The following ADAMTSL1 variants were observed in gnomAD, a reference collection of about 807,000 sequenced individuals.
ADAMTSL1 encodes ADAMTS-like protein 1.
In ADAMTSL1, 126 loss-of-function variants were observed where a neutral mutation model predicts 201.8. That is an observed-to-expected ratio of 0.62 (90% CI 0.54 to 0.72). The LOEUF (loss-of-function observed/expected upper bound fraction) is 0.72, where lower values mean the gene tolerates loss of function less well. Ranked by LOEUF, ADAMTSL1 falls within the 30% of genes least tolerant of loss-of-function variation. The probability of loss-of-function intolerance (pLI) is 0.00; values close to 1 mark genes in which losing one functional copy is unlikely to be tolerated. For synonymous variants in ADAMTSL1, 1,121 were observed against 903.4 expected (o/e 1.24, Z -4.32); for missense variants, 2,679 against 2,277.8 (o/e 1.18, Z -3.59).
At chr9:18,742,568 G>A (rs1222019815) in intron 15 of ADAMTSL1, among the ~76,000 whole-genome samples, 1 of 152,212 alleles carries the variant, frequency 6.6e-6, no homozygotes, top group Non-Finnish European at 1.5e-5. Context: ...AGCTGGGATG[G>A]TGAGGGAAAC....
chr9:18,325,474 A>G (rs540736374), intron 2 of ADAMTSL1, among the ~76,000 whole-genome samples: 100 of 152,360 alleles, frequency 6.6e-4, no homozygotes, highest in Non-Finnish European at 1.1e-3. Flanking sequence ...GTTGAGTGAA[A>G]GAAGTCAGAC....
At chr9:18,465,118 A>C (rs2131724914) in intron 2 of ADAMTSL1, among the ~76,000 whole-genome samples, 1 of 152,362 alleles carries the variant, frequency 6.6e-6, no homozygotes, top group African/African-American at 2.4e-5. Flanking sequence ...TTCCACCTAC[A>C]CATGTTTCTA....
chr9:18,423,375 T>C (rs1348118432), intron 2 of ADAMTSL1, among the ~76,000 whole-genome samples: 1 of 152,232 alleles, frequency 6.6e-6, no homozygotes, highest in Non-Finnish European at 1.5e-5. Flanking sequence ...AAAAAGCTGA[T>C]AATCCTGAGT....
intron 15 of ADAMTSL1, among the ~76,000 whole-genome samples, chr9:18,750,248 A>G (rs779709390): frequency 6.6e-6 from 1 of 152,176 alleles, no homozygotes; most frequent in African/African-American, 2.4e-5. Flanking sequence ...CCCTAGATCT[A>G]GCAAACACCC....
intron 2 of ADAMTSL1, among the ~76,000 whole-genome samples, chr9:18,434,096 G>T (rs1819616554): frequency 6.6e-6 from 1 of 152,214 alleles, no homozygotes; most frequent in African/African-American, 2.4e-5. Context: ...AGCTTCAGCA[G>T]CTTAGAAAAG....
rs71304879 is a variant in ADAMTSL1, at chr9:18,619,412, G to GAA, written c.475-2822_475-2821dup. Among the ~76,000 whole-genome samples, 6 of 146,776 alleles carry GAA rather than the reference G, an allele frequency of 4.1e-5. No homozygotes were observed. The East Asian group carries it at 1.2e-3, about 29-fold the overall frequency. ...AGGAATTGATAACAGAGAAAAGGAA[G>GAA]AAAAAAAAAACAATTGTGTCAGGGA... On this transcript the variant is annotated intron_variant, in intron 4 of 28. Coordinates refer to ENST00000380548, the MANE Select transcript of ADAMTSL1 (RefSeq NM_001040272.6).
intron 1 of ADAMTSL1, among the ~76,000 whole-genome samples, chr9:18,100,273 C>T (rs754427023): frequency 1.2e-4 from 18 of 152,026 alleles, no homozygotes; most frequent in Non-Finnish European, 2.5e-4. Flanking sequence ...TTGTGAAATT[C>T]GTTTACCCAA....
chr9:18,828,664 A>ATTTT (rs1211151654), intron 22 of ADAMTSL1, among the ~76,000 whole-genome samples: 8 of 71,594 alleles, frequency 1.1e-4, no homozygotes, highest in African/African-American at 5.5e-4. Flanking sequence ...GTATATTTAT[A>ATTTT]TATATATATA....
intron 5 of ADAMTSL1, 112 bp from the exon 6 acceptor site, chr9:18,635,831 T>C: frequency 1.2e-6 from 1 of 855,242 alleles, no homozygotes; most frequent in Admixed American, 2.9e-5. Context: ...TTTCAAACAC[T>C]TAAAAAAACT....
chr9:18,701,010 GT>G (rs1024757380), intron 13 of ADAMTSL1, among the ~76,000 whole-genome samples: 4 of 152,038 alleles, frequency 2.6e-5, no homozygotes, highest in Admixed American at 2.6e-4. Context: ...TGCAAAATTG[GT>G]CTAGCTACAG....
At chr9:18,670,786 C>T (rs560496991) in intron 9 of ADAMTSL1, among the ~76,000 whole-genome samples, 49 of 152,216 alleles carry the variant, frequency 3.2e-4, no homozygotes, top group African/African-American at 1.1e-3. Context: ...TGGTGATAAA[C>T]TAAAGAAAAA....
At chr9:17,951,590 T>C (rs1344422869) in intron 1 of ADAMTSL1, among the ~76,000 whole-genome samples, 1 of 152,070 alleles carries the variant, frequency 6.6e-6, no homozygotes, top group Non-Finnish European at 1.5e-5. Context: ...ATATTCTGTT[T>C]TCTTTTTCTT....
chr9:18,676,762 T>G (rs918372248), intron 10 of ADAMTSL1, among the ~76,000 whole-genome samples: 2 of 152,046 alleles, frequency 1.3e-5, no homozygotes, highest in African/African-American at 2.4e-5. Context: ...TCATAAATGG[T>G]TGGAGTAATC....
At chr9:18,847,180 C>T (rs767709325) in intron 23 of ADAMTSL1, among the ~76,000 whole-genome samples, 1 of 152,134 alleles carries the variant, frequency 6.6e-6, no homozygotes, top group Non-Finnish European at 1.5e-5. Context: ...GTGAGAAAAG[C>T]TCTATAGGCT....
intron 1 of ADAMTSL1, among the ~76,000 whole-genome samples, chr9:18,160,007 T>C (rs1352551767): frequency 1.3e-5 from 2 of 152,068 alleles, no homozygotes; most frequent in Non-Finnish European, 2.9e-5. Context: ...TATTTACCTA[T>C]GTCCCTCTGA....
chr9:18,667,917 A>G (rs1266824826), intron 9 of ADAMTSL1, among the ~76,000 whole-genome samples: 33 of 152,164 alleles, frequency 2.2e-4, no homozygotes, highest in Admixed American at 2.2e-3. Context: ...TGATCACAAG[A>G]AATTAAGATA....
Position 18,259,392 on chromosome 9 carries a change from G to A in ADAMTSL1, c.207+95411G>A, listed in dbSNP as rs539532215. On this transcript the variant is annotated intron_variant, in intron 2 of 29. Transcript: ENST00000680146. ...TACAAAAAATTAGCCAGGCATGGTG[G>A]CACATGCCTGTAGTCCCAGCTACTC... Among the ~76,000 whole-genome samples the A allele has an allele frequency of 2.6e-5, 4 of 152,038 alleles. No individual in the cohort carries two copies. In the South Asian group the frequency reaches 8.3e-4, roughly 32 times the overall value.
chr9:18,425,256 A>G (rs1304894637), intron 2 of ADAMTSL1, among the ~76,000 whole-genome samples: 1 of 151,190 alleles, frequency 6.6e-6, no homozygotes, highest in African/African-American at 2.4e-5. Context: ...TCGTGTTCTC[A>G]CCTAAAAAAA....
chr9:17,929,822 G>T (rs1826705795), intron 1 of ADAMTSL1, among the ~76,000 whole-genome samples: 1 of 152,014 alleles, frequency 6.6e-6, no homozygotes, highest in South Asian at 2.1e-4. Flanking sequence ...TTTCTTTCTA[G>T]CACTTGTTTG....
Sources: allele counts gnomAD v4.1 joint callset (sites outside exome capture counted in the v4.1 genomes callset), GRCh38; gene constraint gnomAD v4.1.1; transcripts MANE v1.5; gene names NCBI Gene and HGNC (gene_info 2026-07-23, HGNC 2026-07-21).